NRG3: variants seen among roughly 807,000 people sequenced by gnomAD.
NRG3 encodes pro-neuregulin-3, membrane-bound isoform.
NRG3 carries 31 observed loss-of-function variants against 66.9 expected under a neutral mutation model. The observed-to-expected ratio is 0.46, with a 90% confidence interval of 0.35 to 0.63. NRG3 has a LOEUF of 0.63. Ranked by LOEUF, NRG3 falls within the 20% of genes least tolerant of loss-of-function variation. The pLI is 0.00. For synonymous variants in NRG3, 393 were observed against 359.4 expected (o/e 1.09, Z -1.06); for missense variants, 910 against 878.9 (o/e 1.04, Z -0.45).
intron 1 of NRG3, among the ~76,000 whole-genome samples, chr10:82,285,620 AG>A (rs1203476886): frequency 6.6e-6 from 1 of 152,166 alleles, no homozygotes; most frequent in Non-Finnish European, 1.5e-5. Context: ...GTCACATGAA[AG>A]TACAGTTCCT....
At chr10:82,402,615 T>C (rs1310753598) in intron 2 of NRG3, among the ~76,000 whole-genome samples, 1 of 152,196 alleles carries the variant, frequency 6.6e-6, no homozygotes, top group Non-Finnish European at 1.5e-5. Flanking sequence ...GGACAGCCTG[T>C]GAATTGTGCA....
rs1459904839 is a variant in NRG3, at chr10:82,582,181, T to C, written c.954-156396T>C. Among the ~76,000 whole-genome samples, 11 of 152,098 alleles carry C rather than the reference T, an allele frequency of 7.2e-5. No individual in the cohort carries two copies. In the East Asian group the frequency reaches 9.7e-4, roughly 13 times the overall value. On this transcript the variant is annotated intron_variant, in intron 2 of 8. Coordinates refer to ENST00000372141, the MANE Select transcript of NRG3 (RefSeq NM_001010848.4). ...TTTCAGTCTTAGTTGCTTTGGCTGC[T>C]ACGAACAGGGTGGATTCTTTTGAGT... is the stretch of plus-strand genomic sequence containing the variant.
chr10:82,666,791 C>T (rs1206789034), intron 2 of NRG3, among the ~76,000 whole-genome samples: 1 of 152,168 alleles, frequency 6.6e-6, no homozygotes, highest in Non-Finnish European at 1.5e-5. Context: ...TTTGCTTTTC[C>T]AGAGGTAATC....
intron 4 of NRG3, among the ~76,000 whole-genome samples, chr10:82,897,189 G>C (rs1380719707): frequency 6.6e-6 from 1 of 152,178 alleles, no homozygotes; most frequent in East Asian, 1.9e-4. Flanking sequence ...GAAGCCTTTA[G>C]AAGTTCTCAA....
chr10:82,245,557 GTA>G (rs1245865232), intron 1 of NRG3, among the ~76,000 whole-genome samples: 1 of 152,172 alleles, frequency 6.6e-6, no homozygotes, highest in African/African-American at 2.4e-5. Flanking sequence ...CTTAGGGGCA[GTA>G]TCATCTGGAA....
rs1853353524 is a variant in NRG3, at chr10:82,985,381, GAAC to G, written c.1873_1875del (p.Gln625del). 1.2e-6 allele frequency: 2 copies of G among 1,614,134 alleles called. No homozygotes were observed. The highest frequency in any genetic ancestry group is 1.7e-6 in the Non-Finnish European group (2 of 1,179,998). ...TCCAGTCAGCGATTGTCTTATAGCA[GAAC>G]AACAAGAAGTGAAAATATTGCTAGA... On this transcript the variant is annotated inframe_deletion, in exon 9 of 9. Transcript: ENST00000372141.
intron 3 of NRG3, among the ~76,000 whole-genome samples, chr10:82,790,452 C>T (rs1279994087): frequency 1.3e-5 from 2 of 152,006 alleles, no homozygotes; most frequent in East Asian, 1.9e-4. Flanking sequence ...CTACTAATCT[C>T]GTTGGAAATC....
At chr10:82,073,300 A>G (rs1316717306) in intron 1 of NRG3, among the ~76,000 whole-genome samples, 1 of 152,158 alleles carries the variant, frequency 6.6e-6, no homozygotes, top group Non-Finnish European at 1.5e-5. Flanking sequence ...GAGATGCGTG[A>G]GATCGGGCAG....
At chr10:82,197,864 T>C (rs2074527891) in intron 1 of NRG3, among the ~76,000 whole-genome samples, 1 of 152,206 alleles carries the variant, frequency 6.6e-6, no homozygotes, top group African/African-American at 2.4e-5. Flanking sequence ...AATATGTTAA[T>C]TATTGTAAAC....
rs182115053 is a variant in NRG3 at position 82,056,109 on chromosome 10, G to A, written c.823+179946G>A. ...TTTTAAAAAATTTTGTCCCATCATA[G>A]TACCTGTGTGGGAGTGTGACTATAG... On this transcript the variant is annotated intron_variant, in intron 1 of 8. Transcript: ENST00000372141. Among the ~76,000 whole-genome samples the A allele has an allele frequency of 1.6e-3, 237 of 152,254 alleles. 1 individual carries two copies. Among genetic ancestry groups the A allele is most frequent in the African/African-American group, 5.5e-3 (229 of 41,550 alleles).
Position 82,973,867 on chromosome 10 carries a change from C to CTGAG in NRG3, c.1365_1368dup (p.Val457Ter). The CTGAG allele has an allele frequency of 6.2e-7, 1 of 1,614,068 alleles. No homozygotes were observed. The highest frequency in any genetic ancestry group is 8.5e-7 in the Non-Finnish European group (1 of 1,179,968). ...AGTTTTGTCGGCCCCCAGTCATTCC[C>CTGAG]TGAGGTCCCTTCTCCTGACAGAGGA... On this transcript the variant is annotated frameshift_variant, in exon 7 of 9. Transcript: ENST00000372141. LOFTEE classifies it high-confidence loss of function.
chr10:82,735,111 T>A (rs1281245998), intron 2 of NRG3, among the ~76,000 whole-genome samples: 2 of 152,142 alleles, frequency 1.3e-5, no homozygotes, highest in African/African-American at 4.8e-5. Context: ...AAATCCTTTA[T>A]CTCAAAGTAG....
intron 1 of NRG3, among the ~76,000 whole-genome samples, chr10:81,909,518 G>T (rs1844918422): frequency 6.6e-6 from 1 of 152,098 alleles, no homozygotes; most frequent in Non-Finnish European, 1.5e-5. Flanking sequence ...CATCTCACAT[G>T]ATATGTACTC....
chr10:82,968,921 C>T (rs1044388424), intron 6 of NRG3, among the ~76,000 whole-genome samples: 1 of 152,172 alleles, frequency 6.6e-6, no homozygotes, highest in African/African-American at 2.4e-5. Flanking sequence ...GCACGTCTTA[C>T]GTGGCAGCAG....
At chr10:82,477,063 T>A (rs1429894933) in intron 2 of NRG3, among the ~76,000 whole-genome samples, 1 of 152,102 alleles carries the variant, frequency 6.6e-6, no homozygotes, top group Non-Finnish European at 1.5e-5. Context: ...TAAAACCACA[T>A]GTGAACTAGT....
At chr10:82,124,592 C>G (rs886591249) in intron 1 of NRG3, among the ~76,000 whole-genome samples, 1 of 151,666 alleles carries the variant, frequency 6.6e-6, no homozygotes, top group Non-Finnish European at 1.5e-5. Flanking sequence ...GGAGGGAGAA[C>G]ATTAGGACAA....
At chr10:82,171,203 G>A (rs1183260179) in intron 1 of NRG3, among the ~76,000 whole-genome samples, 1 of 151,972 alleles carries the variant, frequency 6.6e-6, no homozygotes, top group African/African-American at 2.4e-5. Context: ...AAAATAATGT[G>A]GAAAGTAGAG....
At chr10:81,946,522 C>CA (rs1224841670) in intron 1 of NRG3, among the ~76,000 whole-genome samples, 3 of 152,024 alleles carry the variant, frequency 2.0e-5, no homozygotes, top group Non-Finnish European at 4.4e-5. Context: ...TTTTATAGCC[C>CA]AAGTATTTCT....
At chr10:82,204,978 G>A (rs544672388) in intron 1 of NRG3, among the ~76,000 whole-genome samples, 46 of 152,334 alleles carry the variant, frequency 3.0e-4, no homozygotes, top group Non-Finnish European at 2.4e-4. Flanking sequence ...CATAACTGAA[G>A]TGGGGTTTTC....
Sources: gnomAD v4.1 joint callset for allele counts (sites outside exome capture counted in the v4.1 genomes callset) on GRCh38, gnomAD v4.1.1 for gene constraint, MANE v1.5 for transcripts, NCBI Gene and HGNC (gene_info 2026-07-23, HGNC 2026-07-21) for gene names.